The following STARD3 variants were observed in gnomAD, a reference collection of about 807,000 sequenced individuals.
STARD3 encodes stAR-related lipid transfer protein 3.
In STARD3, 39 loss-of-function variants were observed where a neutral mutation model predicts 62.0. The ratio of observed to expected loss-of-function variants is 0.63; its 90% CI spans 0.49 to 0.82. The LOEUF (loss-of-function observed/expected upper bound fraction) is 0.82. STARD3 is among the 40% of genes least tolerant of loss of function. The pLI, the probability that STARD3 is intolerant of heterozygous loss-of-function variation, is 0.00. For synonymous variants in STARD3, 229 were observed against 242.4 expected (o/e 0.94, Z 0.51); for missense variants, 543 against 584.5 (o/e 0.93, Z 0.73).
At position 39,653,753 on chromosome 17, in the gene STARD3, G is replaced by A. The variant is rs374009023; in HGVS notation, c.219+3G>A. The A allele has an allele frequency of 4.3e-5, 69 of 1,613,806 alleles. No individual in the cohort carries two copies. The highest frequency in any genetic ancestry group is 5.4e-5 in the Non-Finnish European group (64 of 1,179,996). On this transcript the variant is annotated splice_donor_region_variant and intron_variant, in intron 2 of 14. Coordinates refer to ENST00000336308, the MANE Select transcript of STARD3 (RefSeq NM_006804.4). ...TGCTCTGGATCATCGAACTGAATGT[G>A]AGTGGGGGCGAGGTGGGGGCACAGG...
intron 1 of STARD3, among the ~76,000 whole-genome samples, chr17:39,652,135 G>A (rs377198290): frequency 1.1e-4 from 17 of 152,324 alleles, no homozygotes; most frequent in South Asian, 4.1e-4. Context: ...GGACGTGAAC[G>A]TGGGTGTGGA....
intron 14 of STARD3, 162 bp downstream of exon 14, chr17:39,662,506 C>T: frequency 2.8e-6 from 2 of 720,558 alleles, no homozygotes; most frequent in Non-Finnish European, 4.6e-6. Context: ...CAGATGGTCT[C>T]TTAGCCCTGG....
At chr17:39,657,115 C>G in intron 3 of STARD3, 30 bp downstream of exon 3, 1 of 1,609,184 alleles carries the variant, frequency 6.2e-7, no homozygotes, top group Non-Finnish European at 8.5e-7. Context: ...CCTGGGGACC[C>G]CGGAGGCAGA....
chr17:39,639,632 G>A (rs560218675), intron 1 of STARD3, among the ~76,000 whole-genome samples: 1 of 152,338 alleles, frequency 6.6e-6, no homozygotes, highest in South Asian at 2.1e-4. Context: ...CTTTGCTGAC[G>A]CTGGCAATTC....
chr17:39,656,730 G>A (rs111774995), intron 2 of STARD3, among the ~76,000 whole-genome samples: 1,917 of 152,234 alleles, frequency 0.013, 18 homozygotes, highest in Middle Eastern at 0.024. Flanking sequence ...GCACAGCCCC[G>A]AAGCCTCCAA....
rs751173622 is a variant in STARD3 at position 39,653,683 on chromosome 17, G to A, written c.152G>A (p.Arg51His). 8.7e-6 allele frequency: 14 copies of A among 1,614,040 alleles called. No individual in the cohort carries two copies. In the Admixed American group the frequency reaches 1.2e-4, roughly 13 times the overall value. ...EKRRAISDVRRTFCLFVTFDL... is the reference protein window; with the variant it reads ...EKRRAISDVRHTFCLFVTFDL... ...CGAAGGGCCATCTCTGATGTCCGCCGCACCTTCTGTCTCTTCGTCACCTTC... is the reference window on the plus strand; with the variant it reads ...CGAAGGGCCATCTCTGATGTCCGCCACACCTTCTGTCTCTTCGTCACCTTC... Residue 51 changes from arginine to histidine, a missense_variant, in exon 2 of 15, where the codon CGC (arginine) becomes CAC (histidine). Transcript: ENST00000336308.
chr17:39,637,509 G>C (rs2056942422), intron 1 of STARD3: 1 of 152,314 alleles, frequency 6.6e-6, no homozygotes, highest in Admixed American at 6.5e-5. Context: ...TGAGGGGAGA[G>C]GAGAGGGTGA....
rs2057187582 is a variant in STARD3, at chr17:39,660,743, G to C, written c.955-67G>C. 1.3e-6 allele frequency: 2 copies of C among 1,523,704 alleles called. No homozygotes were observed. The highest frequency in any genetic ancestry group is 1.3e-5 in the South Asian group (1 of 78,322). The allele number at this position is 1,523,704 out of a possible 1,614,324, so 94.4% of individuals were successfully genotyped here. A position where few individuals can be genotyped will look rare whatever the true frequency, so the allele number is the denominator to read the frequency against. ...CAATAGCAGTTAGTAAAGGGGCCTG[G>C]GGTGTTCCCATCCCTGGGGTTTTCC... On this transcript the variant is annotated intron_variant, in intron 11 of 14. Coordinates refer to ENST00000336308, the MANE Select transcript of STARD3 (RefSeq NM_006804.4). The surrounding 1 kb of genome is among the most constrained non-coding windows in gnomAD (Gnocchi z 4.8).
Position 39,660,606 on chromosome 17 carries a change from C to T in STARD3, c.954+80C>T. On this transcript the variant is annotated intron_variant, in intron 11 of 14. Coordinates refer to ENST00000336308, the MANE Select transcript of STARD3 (RefSeq NM_006804.4). This position sits in a 1 kb window ranked among gnomAD's most constrained non-coding sequence, Gnocchi z 4.8. The stretch of plus-strand genomic sequence containing the variant: ...AGTGGGATCACTGAAGCACTCAGCG[C>T]CTCAGCTGCCCCATCTGTACAGTGG... The T allele has an allele frequency of 6.7e-7, 1 of 1,492,394 alleles. No homozygotes were observed. The highest frequency in any genetic ancestry group is 1.1e-5 in the South Asian group (1 of 88,068). The allele number at this position is 1,492,394 out of a possible 1,614,324, so 92.4% of individuals were successfully genotyped here.
intron 1 of STARD3, among the ~76,000 whole-genome samples, chr17:39,639,842 A>T (rs2056967452): frequency 1.3e-5 from 2 of 152,170 alleles, no homozygotes; most frequent in Admixed American, 1.3e-4. Context: ...CCTTGCCTCC[A>T]GCTGATAGAT....
At chr17:39,653,828 G>A in intron 2 of STARD3, 78 bp downstream of exon 2, 1 of 1,541,562 alleles carries the variant, frequency 6.5e-7, no homozygotes, top group South Asian at 1.1e-5. Flanking sequence ...CCACATGGGA[G>A]GGCTGCCTCT....
Position 39,659,080 on chromosome 17 carries a change from G to C in STARD3, c.676G>C (p.Ala226Pro). ...GSDNESDEEV[A>P]GKKSFSAQER... ...TGACAATGAATCAGATGAAGAAGTT[G>C]CTGGGAAGAAAAGTTTCTCTGCTCA... Residue 226 changes from alanine (A) to proline (P), a missense_variant, in exon 8 of 15, where the codon GCT (alanine) becomes CCT (proline). Transcript: ENST00000336308. The C allele has an allele frequency of 6.2e-7, 1 of 1,614,176 alleles. No homozygotes were observed. Among genetic ancestry groups the C allele is most frequent in the Admixed American group, 1.7e-5 (1 of 60,022 alleles).
intron 1 of STARD3, chr17:39,637,615 AGT>A (rs752918200): frequency 1.4e-4 from 22 of 152,204 alleles, no homozygotes; most frequent in African/African-American, 5.1e-4. Flanking sequence ...TCTGCGTCTC[AGT>A]GTCATCCCGT....
chr17:39,653,472 C>G lies in STARD3; in HGVS notation c.-51-9C>G, dbSNP rs377400813. The G allele has an allele frequency of 1.3e-6, 2 of 1,559,628 alleles. No individual in the cohort carries two copies. The highest frequency in any genetic ancestry group is 2.7e-5 in the African/African-American group (2 of 73,952). ...GTTTGACAGGACTCTGCCTCTGCCT[C>G]GCCCCCAGCCCTGCTGCTGAGGCCG... is the stretch of plus-strand genomic sequence containing the variant. On this transcript the variant is annotated splice_polypyrimidine_tract_variant and intron_variant, in intron 1 of 14. Transcript: ENST00000336308.
chr17:39,645,867 A>G (rs142095108), intron 1 of STARD3, among the ~76,000 whole-genome samples: 1 of 140,940 alleles, frequency 7.1e-6, no homozygotes, highest in East Asian at 2.1e-4. Context: ...TCCCTGTGAC[A>G]TAGGGATTCT....
chr17:39,656,919 T>A, intron 2 of STARD3, 89 bp from the exon 3 acceptor site: 1 of 1,327,916 alleles, frequency 7.5e-7, no homozygotes, highest in Non-Finnish European at 1.1e-6. Flanking sequence ...GGTTCCTCCA[T>A]CCCCTACCTC....
intron 9 of STARD3, chr17:39,659,916 T>G: frequency 1.8e-6 from 1 of 544,224 alleles, no homozygotes; most frequent in Non-Finnish European, 3.3e-6. Context: ...CATGCCCCAG[T>G]CCCTCTCTCT....
In STARD3 at chr17:39,663,218, G is replaced by T; in HGVS notation, c.*310G>T. 2.4e-6 allele frequency: 1 copy of T among 412,370 alleles called. No individual in the cohort carries two copies. The highest frequency in any genetic ancestry group is 4.3e-6 in the Non-Finnish European group (1 of 234,704). 25.5% of individuals were successfully genotyped at this position (412,370 alleles called of 1,614,324 possible). ...GGGTCTGGGCTGGGCACCTGACTTG[G>T]CTGGGGAGGACCAGGGCCCTGGGCA... On this transcript the variant is annotated 3_prime_UTR_variant, in exon 15 of 15. Transcript: ENST00000336308.
chr17:39,659,752 C>T (rs1206998066), intron 9 of STARD3, 199 bp downstream of exon 9: 21 of 580,320 alleles, frequency 3.6e-5, no homozygotes, highest in African/African-American at 7.6e-5. Flanking sequence ...CCCCCTTCCC[C>T]GCACCCCCCA....
Sources: gnomAD v4.1 joint callset for allele counts (sites outside exome capture counted in the v4.1 genomes callset) on GRCh38, gnomAD v4.1.1 for gene constraint, Gnocchi (gnomAD v3.1) non-coding constraint, MANE v1.5 for transcripts, NCBI Gene and HGNC (gene_info 2026-07-23, HGNC 2026-07-21) for gene names.